Variants in KPNA7 observed in about 807,000 individuals in gnomAD.
KPNA7 encodes the protein karyopherin subunit alpha 7.
A neutral mutation model predicts 53.7 loss-of-function variants in KPNA7; 54 were observed. The ratio of observed to expected loss-of-function variants is 1.01; its 90% CI spans 0.81 to 1.26. KPNA7 has a LOEUF of 1.26. Among genes scored for constraint, KPNA7 ranks in the 50% most tolerant of loss-of-function variants. The probability of loss-of-function intolerance (pLI) is 0.00; values close to 1 mark genes in which losing one functional copy is unlikely to be tolerated. For synonymous variants in KPNA7, 276 were observed against 259.3 expected (o/e 1.06, Z -0.62); for missense variants, 640 against 644.5 (o/e 0.99, Z 0.07).
the KPNA7 span, among the ~76,000 whole-genome samples, chr7:99,152,998 A>G: frequency 1.3e-5 from 2 of 152,226 alleles, no homozygotes; most frequent in African/African-American, 4.8e-5. Flanking sequence ...GTTAATTGTG[A>G]CAAGCCACCA....
At chr7:99,173,437 C>T (rs1798808173), downstream of KPNA7, 1 of 232,742 alleles carries the variant, frequency 4.3e-6, no homozygotes, top group African/African-American at 2.3e-5. Flanking sequence ...AGGTGATCCA[C>T]CCACCTTGGC....
downstream of KPNA7, among the ~76,000 whole-genome samples, chr7:99,172,213 A>G (rs1798782887): frequency 6.6e-6 from 1 of 152,194 alleles, no homozygotes; most frequent in South Asian, 2.1e-4. Flanking sequence ...TCGTCTTTAG[A>G]TGTAGCATGA....
the KPNA7 span, among the ~76,000 whole-genome samples, chr7:99,155,241 G>A: frequency 6.6e-6 from 1 of 152,084 alleles, no homozygotes; most frequent in Admixed American, 6.6e-5. Context: ...TTTCCTATCA[G>A]CTTGTAGCTT....
downstream of KPNA7, among the ~76,000 whole-genome samples, chr7:99,172,804 T>C (rs1040631704): frequency 6.6e-6 from 1 of 152,066 alleles, no homozygotes; most frequent in Non-Finnish European, 1.5e-5. Flanking sequence ...GGCTCACGCC[T>C]GTAATCCCAG....
intron 3 of KPNA7, among the ~76,000 whole-genome samples, chr7:99,199,068 A>G (rs796244824): frequency 1.6e-5 from 2 of 124,752 alleles, no homozygotes; most frequent in African/African-American, 5.8e-5. Context: ...GCAAACTGAA[A>G]AAAAAAAAAA....
intron 1 of KPNA7, among the ~76,000 whole-genome samples, chr7:99,217,388 G>A (rs1280233159): frequency 6.6e-6 from 1 of 152,132 alleles, no homozygotes; most frequent in African/African-American, 2.4e-5. Context: ...AGTAGGGTTT[G>A]TTTAAGCTAA....
At chr7:99,155,235 C>G in the KPNA7 span, among the ~76,000 whole-genome samples, 21 of 152,220 alleles carry the variant, frequency 1.4e-4, no homozygotes, top group South Asian at 4.4e-3. Flanking sequence ...CCTGTGTTTC[C>G]TATCAGCTTG....
Position 99,178,032 on chromosome 7 carries a change from C to T in KPNA7, c.1352G>A (p.Cys451Tyr). ...AEKRSEKENL[C>Y]LLIEELGGID... ...CCCACCAAGTTCTTCTATCAGAAGA[C>T]ACAGGTTTTCCTTCTCAGACCGTTT... The change falls in exon 10 of 11, where the codon TGT becomes TAT. Residue 451 changes from cysteine to tyrosine, a missense_variant. Transcript: ENST00000327442. The T allele has an allele frequency of 6.4e-7, 1 of 1,551,660 alleles. No homozygotes were observed. Among genetic ancestry groups the T allele is most frequent in the South Asian group, 1.2e-5 (1 of 84,056 alleles).
the KPNA7 span, among the ~76,000 whole-genome samples, chr7:99,150,675 C>T: frequency 6.6e-6 from 1 of 152,074 alleles, no homozygotes; most frequent in Non-Finnish European, 1.5e-5. Context: ...CTCAGCCTCC[C>T]AAACTGCTGG....
intron 10 of KPNA7, among the ~76,000 whole-genome samples, chr7:99,174,643 T>TA (rs963129471): frequency 6.6e-6 from 1 of 152,134 alleles, no homozygotes; most frequent in African/African-American, 2.4e-5. Flanking sequence ...ATTTGTCCTT[T>TA]TGTGAGTAGC....
chr7:99,199,302 G>GA lies in KPNA7; in HGVS notation c.202-3137dup, dbSNP rs556672051. Among the ~76,000 whole-genome samples, 439 of 151,460 alleles carry GA rather than the reference G, an allele frequency of 2.9e-3. 2 individuals are homozygous for GA. Among genetic ancestry groups the GA allele is most frequent in the African/African-American group, 0.01 (428 of 41,350 alleles). On this transcript the variant is annotated intron_variant, in intron 3 of 10. Transcript: ENST00000327442. ...GGTCCAGAATAGCCAAAATTATATT[G>GA]AAAAAAAGAACAAAGCTGGAAGACT...
intron 2 of KPNA7, among the ~76,000 whole-genome samples, chr7:99,205,925 G>A (rs1790789625): frequency 6.6e-6 from 1 of 152,130 alleles, no homozygotes; most frequent in African/African-American, 2.4e-5. Flanking sequence ...CCGAGTGAAT[G>A]TTAGAATCCA....
intron 4 of KPNA7, 67 bp downstream of exon 4, chr7:99,196,017 C>G (rs1415652253): frequency 3.8e-6 from 5 of 1,328,388 alleles, no homozygotes; most frequent in Non-Finnish European, 3.2e-6. Context: ...GCCACCGGCG[C>G]TCCAGCCATC....
chr7:99,165,752 G>A, the KPNA7 span, among the ~76,000 whole-genome samples: 1 of 152,302 alleles, frequency 6.6e-6, no homozygotes, highest in East Asian at 1.9e-4. Flanking sequence ...ATCCCTTTGA[G>A]ACAGAGTCTT....
At chr7:99,157,131 G>A in the KPNA7 span, among the ~76,000 whole-genome samples, 1 of 152,106 alleles carries the variant, frequency 6.6e-6, no homozygotes, top group African/African-American at 2.4e-5. Flanking sequence ...ATAAATTAGA[G>A]GATGTTGGTT....
the KPNA7 span, among the ~76,000 whole-genome samples, chr7:99,164,835 C>T: frequency 6.6e-6 from 1 of 152,136 alleles, no homozygotes; most frequent in Non-Finnish European, 1.5e-5. Flanking sequence ...TGGTGGCTCA[C>T]GCCTGTAATC....
chr7:99,156,455 TTTTA>T, the KPNA7 span, among the ~76,000 whole-genome samples: 2 of 152,158 alleles, frequency 1.3e-5, no homozygotes, highest in African/African-American at 2.4e-5. Context: ...GGGATTGATC[TTTTA>T]TTTATTTATT....
chr7:99,209,229 G>A (rs1790975542), upstream of KPNA7, among the ~76,000 whole-genome samples: 1 of 151,986 alleles, frequency 6.6e-6, no homozygotes, highest in Admixed American at 6.6e-5. Context: ...GGGTGGTGAG[G>A]AGACCCGCCA....
Position 99,203,255 on chromosome 7 carries a change from A to G in KPNA7, c.67-15T>C, listed in dbSNP as rs1394670385. On this transcript the variant is annotated splice_polypyrimidine_tract_variant and intron_variant, in intron 2 of 10. Transcript: ENST00000327442. The stretch of plus-strand genomic sequence containing the variant: ...TGTCGCCTCAGCTAGTGAGGAAAAG[A>G]AATTGGAGCATTTAGAACCAGGAGT... The G allele has an allele frequency of 1.3e-6, 2 of 1,548,416 alleles. No individual in the cohort carries two copies. Among genetic ancestry groups the G allele is most frequent in the Non-Finnish European group, 1.7e-6 (2 of 1,144,180 alleles).
Sources: gnomAD v4.1 joint callset for allele counts (sites outside exome capture counted in the v4.1 genomes callset) on GRCh38, gnomAD v4.1.1 for gene constraint, MANE v1.5 for transcripts, NCBI Gene and HGNC (gene_info 2026-07-23, HGNC 2026-07-21) for gene names.